HRG: variants seen among roughly 807,000 people sequenced by gnomAD.
HRG encodes histidine-rich glycoprotein.
HRG carries 26 observed loss-of-function variants against 29.5 expected under a neutral mutation model. The ratio of observed to expected loss-of-function variants is 0.88; its 90% CI spans 0.65 to 1.22. HRG has a LOEUF of 1.22. Among genes scored for constraint, HRG ranks in the 50% most tolerant of loss-of-function variants. The pLI is 0.00. For missense variants in HRG, 671 were observed against 654.5 expected, an observed-to-expected ratio of 1.03 and a Z score of -0.28; for synonymous variants, 243 against 240.4, an observed-to-expected ratio of 1.01 and a Z score of -0.10.
intron 5 of HRG, chr3:186,674,786 C>A: frequency 2.6e-6 from 1 of 384,378 alleles, no homozygotes; most frequent in South Asian, 2.1e-5. Flanking sequence ...GAAGGGTTGG[C>A]CTAAAGGCAA....
At chr3:186,670,334 C>G (rs1718747934) in intron 3 of HRG, among the ~76,000 whole-genome samples, 1 of 152,112 alleles carries the variant, frequency 6.6e-6, no homozygotes, top group African/African-American at 2.4e-5. Context: ...GTCAGGCTTG[C>G]TTTAGCTTGA....
chr3:186,674,966 G>A lies in HRG; in HGVS notation c.640-123G>A, dbSNP rs1179081724. 2.4e-5 allele frequency: 18 copies of A among 759,598 alleles called. No individual in the cohort carries two copies. The East Asian group carries it at 4.6e-4, about 19-fold the overall frequency. The allele number at this position is 759,598 out of a possible 1,614,324, so 47.1% of individuals were successfully genotyped here. A position where few individuals can be genotyped will look rare whatever the true frequency, so the allele number is the denominator to read the frequency against. On this transcript the variant is annotated intron_variant, in intron 5 of 6. Transcript: ENST00000232003. ...TGCTGAACGACTGGTGGGAATATCT[G>A]ATCATATTACCCTGATTTTTCTAAA...
intron 1 of HRG, among the ~76,000 whole-genome samples, chr3:186,668,343 G>A (rs766753541): frequency 6.6e-5 from 10 of 152,144 alleles, no homozygotes; most frequent in Non-Finnish European, 1.2e-4. Flanking sequence ...CATGAGAGAC[G>A]TTGCCAAGAA....
intron 1 of HRG, chr3:186,668,597 A>T (rs1718683638): frequency 3.1e-6 from 1 of 321,986 alleles, no homozygotes. Context: ...ACACAACTAC[A>T]AGGACAGATT....
At chr3:186,671,863 AC>A (rs1405920411) in intron 4 of HRG, 74 bp downstream of exon 4, 2 of 1,234,834 alleles carry the variant, frequency 1.6e-6, no homozygotes, top group Admixed American at 1.7e-5. Flanking sequence ...TGAATGGCAT[AC>A]CCTCTCCACC....
intron 5 of HRG, 155 bp from the exon 6 acceptor site, chr3:186,674,934 G>A (rs1378349176): frequency 4.2e-6 from 3 of 716,152 alleles, no homozygotes; most frequent in Non-Finnish European, 7.8e-6. Context: ...TGTTAACAAG[G>A]AAAGATTGCT....
chr3:186,667,613 C>T (rs2108571970), intron 1 of HRG, among the ~76,000 whole-genome samples: 1 of 151,986 alleles, frequency 6.6e-6, no homozygotes, highest in Admixed American at 6.6e-5. Flanking sequence ...TGGGAGGAGG[C>T]TTCTGCTGTG....
Position 186,668,920 on chromosome 3 carries a change from T to A in HRG, c.184-15T>A, listed in dbSNP as rs1238055937. On this transcript the variant is annotated splice_polypyrimidine_tract_variant and intron_variant, in intron 1 of 6. Transcript: ENST00000232003. ...TTCCATGTGCTACTCACATGTTGCT[T>A]TTGGCATTCCTCAGGAAAATACAAC... 2.8e-6 allele frequency: 4 copies of A among 1,437,800 alleles called. No individual in the cohort carries two copies. In the Admixed American group the frequency reaches 6.7e-5, roughly 24 times the overall value. 89.1% of individuals were successfully genotyped at this position (1,437,800 alleles called of 1,614,324 possible). A position where few individuals can be genotyped will look rare whatever the true frequency, so the allele number is the denominator to read the frequency against.
chr3:186,677,658 T>C lies in HRG; in HGVS notation c.1353T>C (p.His451=), dbSNP rs1413685915. ...RGPGKGPRPF[H]CRQIGSVYRL... ...CAGGTAAAGGACCCCGTCCCTTCCA[T>C]TGCAGACAAATTGGATCTGTGTACC... Residue 451 remains histidine (H), a synonymous_variant, in exon 7 of 7, where the codon CAT becomes CAC. Transcript: ENST00000232003. 7.4e-6 allele frequency: 12 copies of C among 1,613,936 alleles called. No individual in the cohort carries two copies. Among genetic ancestry groups the C allele is most frequent in the Non-Finnish European group, 9.3e-6 (11 of 1,179,974 alleles).
At chr3:186,673,067 G>T (rs184191434) in intron 5 of HRG, 200 bp downstream of exon 5, 2 of 643,956 alleles carry the variant, frequency 3.1e-6, no homozygotes, top group Admixed American at 2.3e-5. Flanking sequence ...TACCTGCCAG[G>T]CACTCTTCTA....
Position 186,677,996 on chromosome 3 carries a change from A to C in HRG, c.*113A>C, listed in dbSNP as rs1579083763. The C allele has an allele frequency of 9.8e-7, 1 of 1,022,408 alleles. No homozygotes were observed. The highest frequency in any genetic ancestry group is 1.5e-6 in the Non-Finnish European group (1 of 679,300). 63.3% of individuals were successfully genotyped at this position (1,022,408 alleles called of 1,614,324 possible). On this transcript the variant is annotated 3_prime_UTR_variant, in exon 7 of 7. Coordinates refer to ENST00000232003, the MANE Select transcript of HRG (RefSeq NM_000412.5). ...TTTTCAACCTACTTTCATACTGAAGATGCAGCAAAATGTGAATGGGAAAAG... is the reference window on the plus strand; with the variant it reads ...TTTTCAACCTACTTTCATACTGAAGCTGCAGCAAAATGTGAATGGGAAAAG...
In HRG at chr3:186,669,624, T is replaced by G. The variant is rs1483076716; in HGVS notation, c.301-314T>G. The G allele has an allele frequency of 3.9e-5, 16 of 411,386 alleles. No individual in the cohort carries two copies. The Admixed American group carries it at 5.4e-4, about 14-fold the overall frequency. The allele number at this position is 411,386 out of a possible 1,614,324, so 25.5% of individuals were successfully genotyped here. A position where few individuals can be genotyped will look rare whatever the true frequency, so the allele number is the denominator to read the frequency against. ...AAGATGAATAAGCAGAGATTCAAGA[T>G]TTCATTTCCAGAAAATGAGAGGTTC... is the stretch of plus-strand genomic sequence containing the variant. On this transcript the variant is annotated intron_variant, in intron 2 of 6. Transcript: ENST00000232003.
chr3:186,669,031 T>A lies in HRG; in HGVS notation c.280T>A (p.Ser94Thr). The change falls in exon 2 of 7, where the codon TCC becomes ACC. Residue 94 changes from serine to threonine, a missense_variant. Coordinates refer to ENST00000232003, the MANE Select transcript of HRG (RefSeq NM_000412.5). ...CTGGAATGACTGTGAGCCACCTGATTCCAGACGTCCATCTGAAATAGTAAG... is the reference window on the plus strand; with the variant it reads ...CTGGAATGACTGTGAGCCACCTGATACCAGACGTCCATCTGAAATAGTAAG... Reference protein sequence around the residue: ...KYWNDCEPPDSRRPSEIVIGQ... With the variant: ...KYWNDCEPPDTRRPSEIVIGQ... 6.3e-7 allele frequency: 1 copy of A among 1,599,128 alleles called. No homozygotes were observed. Among genetic ancestry groups the A allele is most frequent in the Non-Finnish European group, 8.6e-7 (1 of 1,166,218 alleles).
chr3:186,670,692 C>T (rs904170402), intron 3 of HRG, among the ~76,000 whole-genome samples: 5 of 152,072 alleles, frequency 3.3e-5, no homozygotes, highest in African/African-American at 1.2e-4. Flanking sequence ...GGATTACAGG[C>T]ATATGCCACC....
In HRG at chr3:186,666,045, T is replaced by C; in HGVS notation, c.14T>C (p.Ile5Thr). The stretch of plus-strand genomic sequence containing the variant: ...TGGTTTAACAAAATGAAGGCACTCA[T>C]TGCAGCACTGCTTTTGATCACATTG... The part of the protein sequence containing the change: MKAL[I>T]AALLLITLQY... Residue 5 changes from isoleucine (I) to threonine (T), a missense_variant, in exon 1 of 7, where the codon ATT becomes ACT. Ile to Thr is a moderately conservative substitution (Grantham distance 89). Coordinates refer to ENST00000232003, the MANE Select transcript of HRG (RefSeq NM_000412.5). 1 of 1,614,228 alleles carries C rather than the reference T, an allele frequency of 6.2e-7. No homozygotes were observed. Among genetic ancestry groups the C allele is most frequent in the Non-Finnish European group, 8.5e-7 (1 of 1,180,012 alleles).
Position 186,672,865 on chromosome 3 carries a change from A to C in HRG, c.637A>C (p.Asn213His). The C allele has an allele frequency of 6.3e-7, 1 of 1,595,336 alleles. No homozygotes were observed. The change falls in exon 5 of 7, where the codon AAT becomes CAT. Residue 213 changes from asparagine to histidine, a missense_variant and splice_region_variant. By Grantham distance (68) the Asn-to-His change is moderately conservative. Transcript: ENST00000232003. ...CAGACACCATTTCCCCAGACACCCC[A>C]ATGTGAGTATAAGAAATGTCTGTGA... ...CPRHHFPRHPNVFGFCRADLF... is the reference protein window; with the variant it reads ...CPRHHFPRHPHVFGFCRADLF...
At chr3:186,675,323 G>GAGAGAGAGAC in intron 6 of HRG, 133 bp downstream of exon 6, 1 of 688,052 alleles carries the variant, frequency 1.5e-6, no homozygotes, top group South Asian at 1.5e-5. Flanking sequence ...GAGAGAGAGA[G>GAGAGAGAGAC]AGAGAGAGAC....
In HRG at chr3:186,671,752, CT is replaced by C; in HGVS notation, c.524del (p.Phe175SerfsTer12). 1 of 1,614,052 alleles carries C rather than the reference CT, an allele frequency of 6.2e-7. No individual in the cohort carries two copies. The highest frequency in any genetic ancestry group is 8.5e-7 in the Non-Finnish European group (1 of 1,179,962). ...AAAGAGGAGAATGATGACTTTGCCT[CT>C]TTCAGAGTGGACCGAATCGAGAGAG... Reference protein sequence around the residue: ...KYKEENDDFASFRVDRIERVA... With the variant: ...KYKEENDDFAXFRVDRIERVA... On this transcript the variant is annotated frameshift_variant, in exon 4 of 7. Coordinates refer to ENST00000232003, the MANE Select transcript of HRG (RefSeq NM_000412.5). LOFTEE classifies it high-confidence loss of function.
chr3:186,677,397 C>G lies in HRG; in HGVS notation c.1092C>G (p.His364Gln), dbSNP rs747359973. ...CCCATGAACAGCATCCCCACGGACA[C>G]CATCCCCATGCACACCATCCTCATG... ...HHSHEQHPHG[H>Q]HPHAHHPHEH... The change falls in exon 7 of 7, where the codon CAC becomes CAG. Residue 364 changes from histidine to glutamine, a missense_variant. By Grantham distance (24) the His-to-Gln change is conservative. Transcript: ENST00000232003. 1.2e-6 allele frequency: 2 copies of G among 1,611,716 alleles called. No individual in the cohort carries two copies. Among genetic ancestry groups the G allele is most frequent in the Middle Eastern group, 1.7e-4 (1 of 6,060 alleles).
Sources: allele counts gnomAD v4.1 joint callset (sites outside exome capture counted in the v4.1 genomes callset), GRCh38; gene constraint gnomAD v4.1.1; transcripts MANE v1.5; gene names NCBI Gene and HGNC (gene_info 2026-07-23, HGNC 2026-07-21).